The following SPEN variants were observed in gnomAD, a reference collection of about 807,000 sequenced individuals.
SPEN encodes the protein spen family transcriptional repressor, also known as msx2-interacting protein.
A neutral mutation model predicts 269.9 loss-of-function variants in SPEN; 18 were observed. The observed-to-expected ratio is 0.07, with a 90% CI of 0.05 to 0.10. SPEN has a LOEUF of 0.10. SPEN is among the 10% of genes least tolerant of loss of function. The pLI, the probability that SPEN is intolerant of heterozygous loss-of-function variation, is 1.00. For synonymous variants in SPEN, 1,726 were observed against 1,765.7 expected (o/e 0.98, Z 0.56); for missense variants, 3,822 against 4,631.2 (o/e 0.83, Z 5.07).
In SPEN at chr1:15,934,458, A is replaced by G; in HGVS notation, c.8218A>G (p.Thr2740Ala). Residue 2740 changes from threonine to alanine, a missense_variant, in exon 11 of 15, where the codon ACC (threonine) becomes GCC (alanine). This residue lies in a region of SPEN where 329 missense variants were observed against 431.2 expected (regional missense o/e 0.76). Transcript: ENST00000375759. This position sits in a 1 kb window ranked among gnomAD's most constrained non-coding sequence, Gnocchi z 9.2. The stretch of plus-strand genomic sequence containing the variant: ...AGTGAATGCCACAGCAAGTGCAGTG[A>G]CCGTCACAGCGGGTGCGGTTACTGC... ...SAVNATASAV[T>A]VTAGAVTAAS... The G allele has an allele frequency of 6.2e-7, 1 of 1,613,936 alleles. No homozygotes were observed.
chr1:15,934,851 C>T lies in SPEN; in HGVS notation c.8611C>T (p.Pro2871Ser), dbSNP rs1466831446. 1 of 1,614,142 alleles carries T rather than the reference C, an allele frequency of 6.2e-7. No individual in the cohort carries two copies. Among genetic ancestry groups the T allele is most frequent in the Admixed American group, 1.7e-5 (1 of 60,020 alleles). ...AGCATCGCAGCCTCCATCCAAAGGCCCTCAAGCTCCTGCAGGCTATGCGAA... is the reference window on the plus strand; with the variant it reads ...AGCATCGCAGCCTCCATCCAAAGGCTCTCAAGCTCCTGCAGGCTATGCGAA... ...VTASQPPSKG[P>S]QAPAGYANVA... The change falls in exon 11 of 15, where the codon CCT becomes TCT. Residue 2871 changes from proline to serine, a missense_variant. Pro to Ser is a moderately conservative substitution (Grantham distance 74, BLOSUM62 -1). Coordinates refer to ENST00000375759, the MANE Select transcript of SPEN (RefSeq NM_015001.3). This position sits in a 1 kb window ranked among gnomAD's most constrained non-coding sequence, Gnocchi z 9.2.
intron 3 of SPEN, among the ~76,000 whole-genome samples, chr1:15,901,146 A>C (rs2148723980): frequency 6.6e-6 from 1 of 150,934 alleles, no homozygotes; most frequent in African/African-American, 2.4e-5. Flanking sequence ...TGAGCCCAGG[A>C]GTTTGAGGCC....
intron 5 of SPEN, among the ~76,000 whole-genome samples, chr1:15,913,153 A>G (rs529805750): frequency 6.6e-6 from 1 of 152,190 alleles, no homozygotes; most frequent in East Asian, 1.9e-4. Context: ...TTAATGTTAT[A>G]TTGAAATGTA....
intron 1 of SPEN, among the ~76,000 whole-genome samples, chr1:15,851,757 G>C (rs1330431366): frequency 6.6e-6 from 1 of 152,110 alleles, no homozygotes; most frequent in Non-Finnish European, 1.5e-5. Flanking sequence ...GGCCGAGGCG[G>C]GCGGGTCACG....
At position 15,934,826 on chromosome 1, in the gene SPEN, A is replaced by G. The variant is rs1345822003; in HGVS notation, c.8586A>G (p.Thr2862=). Residue 2862 remains threonine (T), a synonymous_variant, in exon 11 of 15, where the codon ACA becomes ACG. Coordinates refer to ENST00000375759, the MANE Select transcript of SPEN (RefSeq NM_015001.3). This position sits in a 1 kb window ranked among gnomAD's most constrained non-coding sequence, Gnocchi z 9.2. ...CCCAGGTCAAACCTGATTCTGTCACAGCATCGCAGCCTCCATCCAAAGGCC... is the reference window on the plus strand; with the variant it reads ...CCCAGGTCAAACCTGATTCTGTCACGGCATCGCAGCCTCCATCCAAAGGCC... ...SKSQVKPDSV[T]ASQPPSKGPQ... is the part of the protein sequence containing the mutation. The G allele has an allele frequency of 4.3e-6, 7 of 1,614,202 alleles. No homozygotes were observed. The highest frequency in any genetic ancestry group is 5.9e-6 in the Non-Finnish European group (7 of 1,180,024).
Position 15,939,457 on chromosome 1 carries a change from C to T in SPEN, c.*30C>T. ...CTGAGTGGTTATCACCTCAGTGAAT[C>T]TTCCCAGGGCTCTGCAGTAAAAACA... On this transcript the variant is annotated 3_prime_UTR_variant, in exon 15 of 15. Transcript: ENST00000375759. This position sits in a 1 kb window ranked among gnomAD's most constrained non-coding sequence, Gnocchi z 4.1. The T allele has an allele frequency of 6.6e-7, 1 of 1,524,810 alleles. No homozygotes were observed. The highest frequency in any genetic ancestry group is 8.8e-7 in the Non-Finnish European group (1 of 1,131,372). The allele number at this position is 1,524,810 out of a possible 1,614,324, so 94.5% of individuals were successfully genotyped here. A position where few individuals can be genotyped will look rare whatever the true frequency, so the allele number is the denominator to read the frequency against.
At position 15,873,062 on chromosome 1, in the gene SPEN, T is replaced by C. The variant is rs748386052; in HGVS notation, c.330T>C (p.Gly110=). The stretch of plus-strand genomic sequence containing the variant: ...GAGAGGTTTCTGGGTTCAGAGGAGG[T>C]GGTGGAGGGCCTGCTTATGGTCCCC... ...RSREVSGFRG[G]GGGPAYGPPP... Residue 110 remains glycine, a synonymous_variant, in exon 2 of 15, where the codon GGT becomes GGC. Transcript: ENST00000375759. 1.2e-6 allele frequency: 2 copies of C among 1,613,980 alleles called. No homozygotes were observed. The highest frequency in any genetic ancestry group is 1.7e-5 in the Admixed American group (1 of 59,982).
At position 15,935,371 on chromosome 1, in the gene SPEN, G is replaced by A; in HGVS notation, c.9131G>A (p.Ser3044Asn). The A allele has an allele frequency of 1.2e-6, 2 of 1,614,102 alleles. No homozygotes were observed. The highest frequency in any genetic ancestry group is 1.7e-6 in the Non-Finnish European group (2 of 1,180,010). ...TTCCCAAGGGCAAGCCACCCCAGCAGTACTGCATCTACGGCGCTCTCCACC... is the reference window on the plus strand; with the variant it reads ...TTCCCAAGGGCAAGCCACCCCAGCAATACTGCATCTACGGCGCTCTCCACC... ...SSFPRASHPS[S>N]TASTALSTNA... is the part of the protein sequence containing the mutation. The change falls in exon 11 of 15, where the codon AGT becomes AAT. Residue 3044 changes from serine to asparagine, a missense_variant. Physicochemically the swap from Ser to Asn is conservative, Grantham distance 46. Around this residue, in one of 16 missense-constraint regions of SPEN, gnomAD observed 153 missense variants for 228.5 expected, o/e 0.67. Transcript: ENST00000375759. The surrounding 1 kb of genome is among the most constrained non-coding windows in gnomAD (Gnocchi z 7.7).
chr1:15,923,802 T>C (rs967212136), intron 10 of SPEN, among the ~76,000 whole-genome samples: 7 of 152,072 alleles, frequency 4.6e-5, no homozygotes, highest in Non-Finnish European at 1.0e-4. Context: ...CCCGAGTAGC[T>C]GGGACTACAG....
At chr1:15,902,233 A>G in intron 3 of SPEN, among the ~76,000 whole-genome samples, 1 of 152,126 alleles carries the variant, frequency 6.6e-6, no homozygotes, top group East Asian at 1.9e-4. Flanking sequence ...CCGGCCTGAA[A>G]ATCTTTTAAA....
chr1:15,892,356 A>G (rs2148719630), intron 3 of SPEN, among the ~76,000 whole-genome samples: 1 of 152,288 alleles, frequency 6.6e-6, no homozygotes, highest in East Asian at 1.9e-4. Context: ...TGACTATTTG[A>G]AAATTAAAAT....
At chr1:15,924,013 CA>C (rs2071143515) in intron 10 of SPEN, among the ~76,000 whole-genome samples, 1 of 152,156 alleles carries the variant, frequency 6.6e-6, no homozygotes, top group African/African-American at 2.4e-5. Context: ...GCCAAATTCT[CA>C]AAAGCTCAAA....
At chr1:15,899,086 G>GGGGTT (rs1287463418) in intron 3 of SPEN, among the ~76,000 whole-genome samples, 1 of 152,048 alleles carries the variant, frequency 6.6e-6, no homozygotes, top group Admixed American at 6.6e-5. Flanking sequence ...GTTAGCGTTT[G>GGGGTT]GGGAACCCCA....
At chr1:15,918,234 A>G (rs998386209) in intron 6 of SPEN, among the ~76,000 whole-genome samples, 7 of 152,168 alleles carry the variant, frequency 4.6e-5, no homozygotes, top group African/African-American at 7.2e-5. Context: ...TATTTTATTT[A>G]TTTATTTTTA....
chr1:15,910,572 A>G (rs1299712649), intron 4 of SPEN, among the ~76,000 whole-genome samples: 1 of 151,448 alleles, frequency 6.6e-6, no homozygotes, highest in African/African-American at 2.4e-5. Context: ...AGAAATCATC[A>G]TTTTGCATTT....
chr1:15,860,379 G>GTC (rs2070433019), intron 1 of SPEN, among the ~76,000 whole-genome samples: 1 of 8,192 alleles, frequency 1.2e-4, no homozygotes, highest in Non-Finnish European at 3.2e-4. Flanking sequence ...AGCTTCAGAG[G>GTC]TGTGTGTGTG....
At position 15,931,190 on chromosome 1, in the gene SPEN, C is replaced by A. The variant is rs1338031665; in HGVS notation, c.4950C>A (p.Ala1650=). 2 of 1,614,140 alleles carry A rather than the reference C, an allele frequency of 1.2e-6. No homozygotes were observed. The highest frequency in any genetic ancestry group is 1.7e-5 in the Admixed American group (1 of 60,020). ...PSVTVVTLES[A]PSALEKTTGD... ...TCACAGTCGTAACTCTAGAATCAGC[C>A]CCATCAGCACTAGAGAAGACCACTG... is the stretch of plus-strand genomic sequence containing the variant. Residue 1650 remains alanine (A), a synonymous_variant, in exon 11 of 15, where the codon GCC becomes GCA. Coordinates refer to ENST00000375759, the MANE Select transcript of SPEN (RefSeq NM_015001.3). The surrounding 1 kb of genome is among the most constrained non-coding windows in gnomAD (Gnocchi z 4.8).
intron 3 of SPEN, among the ~76,000 whole-genome samples, chr1:15,881,050 G>A (rs1390885294): frequency 2.0e-5 from 3 of 152,090 alleles, no homozygotes; most frequent in African/African-American, 7.2e-5. Flanking sequence ...GAGTGCAGTG[G>A]TCATAGCTCC....
chr1:15,897,334 G>A (rs567315942), intron 3 of SPEN, among the ~76,000 whole-genome samples: 67 of 151,226 alleles, frequency 4.4e-4, no homozygotes, highest in Middle Eastern at 3.5e-3. Flanking sequence ...GACTACAGGC[G>A]TACGCCATCA....
Sources: gnomAD v4.1 joint callset for allele counts (sites outside exome capture counted in the v4.1 genomes callset) on GRCh38, gnomAD v4.1.1 for gene constraint, gnomAD v4.1.1 regional missense constraint, Gnocchi (gnomAD v3.1) non-coding constraint, MANE v1.5 for transcripts, NCBI Gene and HGNC (gene_info 2026-07-23, HGNC 2026-07-21) for gene names.